The following CACNA1A variants were observed in gnomAD, a reference collection of about 807,000 sequenced individuals.
The protein encoded by CACNA1A is calcium voltage-gated channel subunit alpha1 A, also known as voltage-dependent P/Q-type calcium channel subunit alpha-1A.
CACNA1A carries 57 observed loss-of-function variants against 262.4 expected under a neutral mutation model. The observed-to-expected ratio is 0.22, with a 90% CI of 0.18 to 0.27. The LOEUF is 0.27. CACNA1A is among the 10% of genes least tolerant of loss of function. CACNA1A has a pLI of 1.00. For missense variants in CACNA1A, 2,526 were observed against 3,562.8 expected (o/e 0.71, Z 7.41); for synonymous variants, 1,431 against 1,419.3 (o/e 1.01, Z -0.18).
At chr19:13,283,535 C>T (rs1289986147) in intron 21 of CACNA1A, 139 bp from the exon 22 acceptor site, 2 of 1,125,250 alleles carry the variant, frequency 1.8e-6, no homozygotes, top group Non-Finnish European at 2.5e-6. Context: ...TATTAAACTC[C>T]TCCAGGTGGG....
rs371957992 is a variant in CACNA1A, at chr19:13,214,600, C to T, written c.5740G>A (p.Asp1914Asn). 1.4e-5 allele frequency: 22 copies of T among 1,613,212 alleles called. No homozygotes were observed. The highest frequency in any genetic ancestry group is 6.7e-5 in the African/African-American group (5 of 74,928). Residue 1914 changes from aspartate to asparagine, a missense_variant, in exon 39 of 47, where the codon GAC becomes AAC. Transcript: ENST00000360228. This position sits in a 1 kb window ranked among gnomAD's most constrained non-coding sequence, Gnocchi z 4.1. ...LDIKIAKGGA[D>N]KQQMDAELRK... is the part of the protein sequence containing the mutation. ...AGCTCAGCGTCCATCTGCTGTTTGT[C>T]GGCTCCTCCTGCAATGGGGGTGTAG... is the stretch of plus-strand genomic sequence containing the variant.
rs1253533393 is a variant in CACNA1A at position 13,255,267 on chromosome 19, A to C, written c.4591-8T>G. 6.3e-7 allele frequency: 1 copy of C among 1,585,528 alleles called. No individual in the cohort carries two copies. Among genetic ancestry groups the C allele is most frequent in the South Asian group, 1.1e-5 (1 of 88,728 alleles). ...GAAATCAATGCAGGCCCTCTGCGGG[A>C]GAGAGGCCAGTGGTGAGAGCGGCAG... On this transcript the variant is annotated splice_region_variant and splice_polypyrimidine_tract_variant and intron_variant, in intron 28 of 46. Coordinates refer to ENST00000360228, the MANE Select transcript of CACNA1A (RefSeq NM_001127222.2).
At position 13,241,548 on chromosome 19, in the gene CACNA1A, G is replaced by A; in HGVS notation, c.4950+3634C>T. On this transcript the variant is annotated intron_variant, in intron 31 of 46. Transcript: ENST00000360228. The surrounding 1 kb of genome is among the most constrained non-coding windows in gnomAD (Gnocchi z 4.0). Reference sequence around the variant, plus strand: ...GATTCTAGATGCAGATGTTGAAGATGAGGGGGAGCGGGCGGGCGGGGGCAG... The same window carrying A: ...GATTCTAGATGCAGATGTTGAAGATAAGGGGGAGCGGGCGGGCGGGGGCAG... 7.2e-7 allele frequency: 1 copy of A among 1,385,778 alleles called. No individual in the cohort carries two copies. Among genetic ancestry groups the A allele is most frequent in the Non-Finnish European group, 1.0e-6 (1 of 1,004,578 alleles). 85.8% of individuals were successfully genotyped at this position (1,385,778 alleles called of 1,614,324 possible). A position where few individuals can be genotyped will look rare whatever the true frequency, so the allele number is the denominator to read the frequency against.
chr19:13,230,051 T>C (rs1182950338), intron 36 of CACNA1A, 31 bp downstream of exon 36: 2 of 1,608,172 alleles, frequency 1.2e-6, no homozygotes, highest in Non-Finnish European at 8.5e-7. Context: ...AGGTGAGTAT[T>C]GTGGCTGGAG....
intron 3 of CACNA1A, among the ~76,000 whole-genome samples, chr19:13,382,592 T>C (rs897869428): frequency 6.6e-6 from 1 of 152,160 alleles, no homozygotes; most frequent in Non-Finnish European, 1.5e-5. Context: ...TCTTGTCCTG[T>C]GGACAGTGAG....
In CACNA1A at chr19:13,255,218, G is replaced by A. The variant is rs150378053; in HGVS notation, c.4632C>T (p.Thr1544=). The change falls in exon 29 of 47, where the codon ACC becomes ACT. Residue 1544 remains threonine (T), a synonymous_variant. Transcript: ENST00000360228. ...TCTGCTTGTTCTGCGGCATGTGTCG[G>A]GTCAGCGGCTTGGCGCTGATGGCGA... ...IDFAISAKPL[T]RHMPQNKQSF... 2,969 of 1,610,046 alleles carry A rather than the reference G, an allele frequency of 1.8e-3. 6 individuals carry two copies. The highest frequency in any genetic ancestry group is 4.2e-3 in the Admixed American group (249 of 59,898).
At chr19:13,371,059 A>T (rs2059314859) in intron 4 of CACNA1A, 1 of 152,200 alleles carries the variant, frequency 6.6e-6, no homozygotes, top group Non-Finnish European at 1.5e-5. Flanking sequence ...GCAAGGAATG[A>T]GTATGAATTT....
rs781363787 is a variant in CACNA1A, at chr19:13,365,307, G to A, written c.784+10C>T. On this transcript the variant is annotated intron_variant, in intron 5 of 46. Transcript: ENST00000360228. Reference sequence around the variant, plus strand: ...AAACTGGAAAGATGCATCATGCTCCGTGGACCTACCTGTCCCCTCTTCAAA... The same window carrying A: ...AAACTGGAAAGATGCATCATGCTCCATGGACCTACCTGTCCCCTCTTCAAA... 2.3e-4 allele frequency: 376 copies of A among 1,607,778 alleles called. 2 individuals carry two copies. Among genetic ancestry groups the A allele is most frequent in the Middle Eastern group, 1.7e-3 (10 of 6,056 alleles).
intron 1 of CACNA1A, among the ~76,000 whole-genome samples, chr19:13,500,512 T>A (rs1982253620): frequency 6.6e-6 from 1 of 152,222 alleles, no homozygotes; most frequent in Non-Finnish European, 1.5e-5. Flanking sequence ...ATCCACATCC[T>A]TAATCCTAAG....
intron 31 of CACNA1A, among the ~76,000 whole-genome samples, chr19:13,240,604 G>A (rs1049222318): frequency 1.1e-4 from 16 of 150,892 alleles, no homozygotes; most frequent in Admixed American, 2.0e-4. Flanking sequence ...CTGTGTGTGC[G>A]CAGTGATTGT....
intron 1 of CACNA1A, among the ~76,000 whole-genome samples, chr19:13,460,113 T>C (rs1237333523): frequency 6.6e-6 from 1 of 152,160 alleles, no homozygotes; most frequent in East Asian, 1.9e-4. Context: ...GATGGACATC[T>C]GCAACAATGA....
chr19:13,284,820 G>C (rs1285044151), intron 21 of CACNA1A, among the ~76,000 whole-genome samples: 1 of 152,194 alleles, frequency 6.6e-6, no homozygotes, highest in Non-Finnish European at 1.5e-5. Context: ...TGACAAATTT[G>C]TTTATTTATT....
chr19:13,436,357 C>T (rs979452693), intron 3 of CACNA1A, among the ~76,000 whole-genome samples: 3 of 152,264 alleles, frequency 2.0e-5, no homozygotes, highest in Middle Eastern at 3.4e-3. Flanking sequence ...CCAGAGCAGG[C>T]TGGGCAGTCC....
Position 13,506,190 on chromosome 19 carries a change from T to A in CACNA1A, c.35A>T (p.Tyr12Phe), listed in dbSNP as rs994265107. 4 of 1,504,144 alleles carry A rather than the reference T, an allele frequency of 2.7e-6. No homozygotes were observed. The highest frequency in any genetic ancestry group is 3.5e-6 in the Non-Finnish European group (4 of 1,130,950). The allele number at this position is 1,504,144 out of a possible 1,614,324, so 93.2% of individuals were successfully genotyped here. ...GGCTGCCCCGGAGCCTCCTCCCCCG[T>A]AGCGGGCCGGCATCTCGTCTCCGAA... ...ARFGDEMPAR[Y>F]GGGGSGAAAG... Residue 12 changes from tyrosine (Y) to phenylalanine (F), a missense_variant, in exon 1 of 47, where the codon TAC (tyrosine) becomes TTC (phenylalanine). By Grantham distance (22) the Tyr-to-Phe change is conservative (BLOSUM62 3). Around this residue, in one of 17 missense-constraint regions of CACNA1A, gnomAD observed 65 missense variants for 75.6 expected, o/e 0.86. Coordinates refer to ENST00000360228, the MANE Select transcript of CACNA1A (RefSeq NM_001127222.2).
chr19:13,335,105 C>CCTCATT (rs979402560), intron 7 of CACNA1A, among the ~76,000 whole-genome samples: 26 of 152,098 alleles, frequency 1.7e-4, no homozygotes, highest in African/African-American at 5.8e-4. Context: ...TGGCTGCATA[C>CCTCATT]CTCATTCTCA....
At position 13,506,291 on chromosome 19, in the gene CACNA1A, C is replaced by T; in HGVS notation, c.-67G>A. ...GATGCGGAAGACGCCGCCGCCGCCG[C>T]CGCCGCCGCTGATGCTGAGGCTGCC... is the stretch of plus-strand genomic sequence containing the variant. On this transcript the variant is annotated 5_prime_UTR_variant, in exon 1 of 47. Coordinates refer to ENST00000360228, the MANE Select transcript of CACNA1A (RefSeq NM_001127222.2). The T allele has an allele frequency of 2.2e-6, 3 of 1,348,428 alleles. No homozygotes were observed. The highest frequency in any genetic ancestry group is 1.9e-6 in the Non-Finnish European group (2 of 1,048,248). 83.5% of individuals were successfully genotyped at this position (1,348,428 alleles called of 1,614,324 possible).
intron 3 of CACNA1A, among the ~76,000 whole-genome samples, chr19:13,376,584 A>G (rs989683114): frequency 6.7e-6 from 1 of 148,566 alleles, no homozygotes; most frequent in Non-Finnish European, 1.5e-5. Flanking sequence ...TATATATAAC[A>G]TATGAGATAT....
At chr19:13,406,971 A>T (rs749373713) in intron 3 of CACNA1A, among the ~76,000 whole-genome samples, 41 of 151,988 alleles carry the variant, frequency 2.7e-4, no homozygotes, top group Admixed American at 1.6e-3. Flanking sequence ...GCACACATGT[A>T]TGCATGTGTA....
At chr19:13,309,306 C>T (rs1393456482) in intron 12 of CACNA1A, among the ~76,000 whole-genome samples, 2 of 152,262 alleles carry the variant, frequency 1.3e-5, no homozygotes, top group East Asian at 1.9e-4. Context: ...CCACACCTGG[C>T]CTCTTTTTTA....
Sources: allele counts gnomAD v4.1 joint callset (sites outside exome capture counted in the v4.1 genomes callset), GRCh38; gene constraint gnomAD v4.1.1; regional missense constraint gnomAD v4.1.1; non-coding constraint Gnocchi (gnomAD v3.1); transcripts MANE v1.5; gene names NCBI Gene and HGNC (gene_info 2026-07-23, HGNC 2026-07-21).